Variants in CPNE3 observed in about 807,000 individuals in gnomAD.
CPNE3 encodes the protein copine 3.
Under a neutral mutation model 63.9 loss-of-function variants are expected in CPNE3, and 68 were observed. The ratio of observed to expected loss-of-function variants is 1.06; its 90% confidence interval spans 0.87 to 1.30. The LOEUF (loss-of-function observed/expected upper bound fraction) is 1.30. CPNE3 is among the 50% of genes most tolerant of loss of function. The pLI, the probability that CPNE3 is intolerant of heterozygous loss-of-function variation, is 0.00. For synonymous variants in CPNE3, 219 were observed against 197.5 expected, an observed-to-expected ratio of 1.11 and a Z score of -0.91; for missense variants, 665 against 578.1, an observed-to-expected ratio of 1.15 and a Z score of -1.54.
chr8:86,518,315 A>C (rs917419052), intron 2 of CPNE3, among the ~76,000 whole-genome samples: 1 of 152,004 alleles, frequency 6.6e-6, no homozygotes, highest in Non-Finnish European at 1.5e-5. Context: ...AGAAGGGGGG[A>C]AATTCTTAAT....
rs1037818876 is a variant in CPNE3, at chr8:86,561,274, G to C, written c.*2864G>C. ...GACACATAAAGTACGCCAGAAGTTT[G>C]ATGGAACGTGTTAGAAACTGTTTTG... On this transcript the variant is annotated 3_prime_UTR_variant, in exon 17 of 17. Transcript: ENST00000517490. The C allele has an allele frequency of 6.6e-5, 10 of 152,196 alleles. No homozygotes were observed. The highest frequency in any genetic ancestry group is 1.3e-4 in the Admixed American group (2 of 15,272). 9.4% of individuals were successfully genotyped at this position (152,196 alleles called of 1,614,324 possible).
Position 86,546,661 on chromosome 8 carries a change from A to T in CPNE3, c.799A>T (p.Ile267Phe). 6.2e-7 allele frequency: 1 copy of T among 1,613,516 alleles called. No individual in the cohort carries two copies. The highest frequency in any genetic ancestry group is 8.5e-7 in the Non-Finnish European group (1 of 1,179,856). Residue 267 changes from isoleucine (I) to phenylalanine (F), a missense_variant, in exon 10 of 17, where the codon ATC becomes TTC. Physicochemically the swap from Ile to Phe is conservative, Grantham distance 21. Transcript: ENST00000517490. ...KKKSYKNSGV[I>F]SVKQCEITVE... ...AAAAAGCTACAAGAATTCAGGTGTT[A>T]TCAGTGTGAAACAGTGTGAGGTCCG...
At chr8:86,531,363 T>A (rs982237904) in intron 5 of CPNE3, 134 bp downstream of exon 5, 1 of 650,836 alleles carries the variant, frequency 1.5e-6, no homozygotes, top group South Asian at 1.8e-5. Context: ...CATCCACCCA[T>A]GTCTTGTAGT....
chr8:86,517,503 G>C (rs899340587), intron 2 of CPNE3, among the ~76,000 whole-genome samples: 1 of 152,102 alleles, frequency 6.6e-6, no homozygotes, highest in South Asian at 2.1e-4. Flanking sequence ...AGAGGTACCT[G>C]CAACTGTAAA....
chr8:86,556,777 C>T (rs957977321), intron 16 of CPNE3, among the ~76,000 whole-genome samples: 1 of 152,130 alleles, frequency 6.6e-6, no homozygotes, highest in African/African-American at 2.4e-5. Flanking sequence ...TCATAAGGAT[C>T]CCCCTGGTTG....
Position 86,560,528 on chromosome 8 carries a change from T to C in CPNE3, c.*2118T>C, listed in dbSNP as rs1042977219. On this transcript the variant is annotated 3_prime_UTR_variant, in exon 17 of 17. Transcript: ENST00000517490. ...CTTCAGCCAAATAACAGGTAATCAC[T>C]GTCAATTGGATTTGGTCTTCATTAT... is the stretch of plus-strand genomic sequence containing the variant. 2.0e-5 allele frequency: 3 copies of C among 152,152 alleles called. No individual in the cohort carries two copies. The highest frequency in any genetic ancestry group is 4.4e-5 in the Non-Finnish European group (3 of 68,028). 9.4% of individuals were successfully genotyped at this position (152,152 alleles called of 1,614,324 possible).
chr8:86,552,549 G>C (rs1542080), intron 14 of CPNE3, among the ~76,000 whole-genome samples: 13,359 of 152,128 alleles, frequency 0.088, 891 homozygotes, highest in East Asian at 0.34. Flanking sequence ...TGTGAGTAAT[G>C]TAAGCCCATC....
At chr8:86,542,571 T>C (rs1338887697) in intron 8 of CPNE3, among the ~76,000 whole-genome samples, 1 of 151,740 alleles carries the variant, frequency 6.6e-6, no homozygotes, top group South Asian at 2.1e-4. Flanking sequence ...ATATTATATA[T>C]CCATTAAATG....
intron 1 of CPNE3, chr8:86,515,257 T>C (rs1489693605): frequency 6.6e-6 from 1 of 152,230 alleles, no homozygotes; most frequent in East Asian, 1.9e-4. Context: ...CACTTAATGA[T>C]CATCTGCACT....
intron 2 of CPNE3, among the ~76,000 whole-genome samples, chr8:86,523,301 G>A (rs367861331): frequency 2.7e-4 from 41 of 152,310 alleles, no homozygotes; most frequent in African/African-American, 9.9e-4. Context: ...TGGCAGAGGT[G>A]ACACATCCAA....
Position 86,559,258 on chromosome 8 carries a change from C to T in CPNE3, c.*848C>T, listed in dbSNP as rs564019329. ...TTACTTTAATTGAGATTTGTTAAAA[C>T]GGTTAGGACTGTTTTGTCCAGGAAA... On this transcript the variant is annotated 3_prime_UTR_variant, in exon 17 of 17. Transcript: ENST00000517490. 29 of 151,990 alleles carry T rather than the reference C, an allele frequency of 1.9e-4. No homozygotes were observed. The highest frequency in any genetic ancestry group is 6.0e-4 in the African/African-American group (25 of 41,466). The allele number at this position is 151,990 out of a possible 1,614,324, so 9.4% of individuals were successfully genotyped here.
rs180713329 is a variant in CPNE3, at chr8:86,542,729, C to A, written c.634-2011C>A. On this transcript the variant is annotated intron_variant, in intron 8 of 16. Transcript: ENST00000517490. Reference sequence around the variant, plus strand: ...AGAGAAATTAAATGACACGAATTGTCTTACCTCATACCGTATCTGAACATA... The same window carrying A: ...AGAGAAATTAAATGACACGAATTGTATTACCTCATACCGTATCTGAACATA... Among the ~76,000 whole-genome samples, 54 of 152,092 alleles carry A rather than the reference C, an allele frequency of 3.6e-4. 1 individual carries two copies. The highest frequency in any genetic ancestry group is 3.3e-3 in the Admixed American group (50 of 15,270).
chr8:86,535,230 G>C (rs955104092), intron 6 of CPNE3, among the ~76,000 whole-genome samples: 2 of 151,978 alleles, frequency 1.3e-5, no homozygotes, highest in Non-Finnish European at 2.9e-5. Context: ...GGTATTTAGA[G>C]ACCACAGTCC....
intron 2 of CPNE3, among the ~76,000 whole-genome samples, chr8:86,516,127 T>A (rs1208661755): frequency 1.3e-5 from 2 of 152,174 alleles, no homozygotes; most frequent in Admixed American, 1.3e-4. Flanking sequence ...TGGGACTGGA[T>A]CATTTTGAGA....
chr8:86,540,438 A>G, intron 8 of CPNE3, 104 bp downstream of exon 8: 1 of 468,404 alleles, frequency 2.1e-6, no homozygotes, highest in Non-Finnish European at 3.6e-6. Flanking sequence ...AAATGATGTA[A>G]GACACCTACA....
chr8:86,552,888 G>T (rs1821214466), intron 14 of CPNE3, among the ~76,000 whole-genome samples: 2 of 113,968 alleles, frequency 1.8e-5, no homozygotes, highest in Non-Finnish European at 3.5e-5. Flanking sequence ...CCCCCAGGCT[G>T]GAGTGCAATG....
At position 86,555,128 on chromosome 8, in the gene CPNE3, T is replaced by C. The variant is rs1471298093; in HGVS notation, c.1254+144T>C. ...TCATTCTTGGTTTGGGAGTAACTTT[T>C]GTTGTTGTTATACTAGTGATCGTTA... On this transcript the variant is annotated intron_variant, in intron 15 of 16. Transcript: ENST00000517490. 9 of 1,216,912 alleles carry C rather than the reference T, an allele frequency of 7.4e-6. No individual in the cohort carries two copies. The Admixed American group carries it at 1.1e-4, about 15-fold the overall frequency. The allele number at this position is 1,216,912 out of a possible 1,614,324, so 75.4% of individuals were successfully genotyped here. A position where few individuals can be genotyped will look rare whatever the true frequency, so the allele number is the denominator to read the frequency against.
At chr8:86,557,911 G>A (rs1333525876) in intron 16 of CPNE3, among the ~76,000 whole-genome samples, 1 of 151,964 alleles carries the variant, frequency 6.6e-6, no homozygotes, top group East Asian at 1.9e-4. Flanking sequence ...AGGGTGCATG[G>A]TACCTTTCTT....
At chr8:86,532,936 A>T (rs930656251) in intron 6 of CPNE3, among the ~76,000 whole-genome samples, 3 of 152,118 alleles carry the variant, frequency 2.0e-5, no homozygotes, top group South Asian at 2.1e-4. Flanking sequence ...TTCAAAGGTC[A>T]ATTTTTTTTT....
Sources: gnomAD v4.1 joint callset for allele counts (sites outside exome capture counted in the v4.1 genomes callset) on GRCh38, gnomAD v4.1.1 for gene constraint, MANE v1.5 for transcripts, NCBI Gene and HGNC (gene_info 2026-07-23, HGNC 2026-07-21) for gene names.